FBXO36: variants seen among roughly 807,000 people sequenced by gnomAD.
FBXO36 encodes the protein F-box only protein 36.
Under a neutral mutation model 17.0 loss-of-function variants are expected in FBXO36, and 18 were observed. That is an observed-to-expected ratio of 1.06 (90% CI 0.73 to 1.57). FBXO36 has a LOEUF of 1.57. FBXO36 is among the 40% of genes most tolerant of loss of function. FBXO36 has a pLI of 0.00. For synonymous variants in FBXO36, 83 were observed against 85.3 expected, an observed-to-expected ratio of 0.97 and a Z score of 0.15; for missense variants, 229 against 221.9, an observed-to-expected ratio of 1.03 and a Z score of -0.20.
At chr2:229,980,087 G>A (rs1466616671) in intron 2 of FBXO36, among the ~76,000 whole-genome samples, 1 of 151,550 alleles carries the variant, frequency 6.6e-6, no homozygotes, top group African/African-American at 2.4e-5. Flanking sequence ...TTGCTCTGTC[G>A]CCTAGGGTGG....
At chr2:229,922,830 T>C (rs2076795104) in intron 1 of FBXO36, among the ~76,000 whole-genome samples, 2 of 152,216 alleles carry the variant, frequency 1.3e-5, no homozygotes, top group Admixed American at 6.5e-5. Flanking sequence ...GCAAGCCTTC[T>C]CTGCCTCCCC....
At chr2:229,975,419 A>G (rs145181166) in intron 1 of FBXO36, among the ~76,000 whole-genome samples, 2 of 152,202 alleles carry the variant, frequency 1.3e-5, no homozygotes, top group African/African-American at 2.4e-5. Context: ...TCTTCCGGAA[A>G]CAGATAACCA....
chr2:229,941,849 T>C (rs1036362490), intron 1 of FBXO36, among the ~76,000 whole-genome samples: 1 of 151,998 alleles, frequency 6.6e-6, no homozygotes, highest in African/African-American at 2.4e-5. Flanking sequence ...AAACCCTGTC[T>C]CTACTAAAAT....
rs377572716 is a variant in FBXO36 at position 230,004,056 on chromosome 2, G to A, written c.379-6640G>A. On this transcript the variant is annotated intron_variant, in intron 3 of 3. Transcript: ENST00000283946. Reference sequence around the variant, plus strand: ...TAGCCAGCACAGCCACGGGGCCCTTGCCCTGCCTCCTGCCACCCTCTGCCC... The same window carrying A: ...TAGCCAGCACAGCCACGGGGCCCTTACCCTGCCTCCTGCCACCCTCTGCCC... Among the ~76,000 whole-genome samples the A allele has an allele frequency of 5.8e-3, 877 of 152,308 alleles. 5 individuals are homozygous for A. The highest frequency in any genetic ancestry group is 0.048 in the Middle Eastern group (14 of 294).
chr2:229,955,003 C>T (rs942135260), intron 1 of FBXO36, among the ~76,000 whole-genome samples: 4 of 151,760 alleles, frequency 2.6e-5, no homozygotes, highest in Non-Finnish European at 5.9e-5. Flanking sequence ...ACATGCGCCA[C>T]CACGCCCGGC....
At chr2:229,985,115 T>A (rs2077261639) in intron 2 of FBXO36, among the ~76,000 whole-genome samples, 1 of 152,196 alleles carries the variant, frequency 6.6e-6, no homozygotes. Context: ...TGCAACACAT[T>A]TGACCTTAAT....
At chr2:229,996,977 A>G in intron 3 of FBXO36, 54 bp downstream of exon 3, 1 of 1,549,648 alleles carries the variant, frequency 6.5e-7, no homozygotes, top group Middle Eastern at 1.8e-4. Context: ...CTTTCTAAAA[A>G]AAATTTTTAA....
chr2:229,955,402 G>A (rs1223386117), intron 1 of FBXO36, among the ~76,000 whole-genome samples: 1 of 152,060 alleles, frequency 6.6e-6, no homozygotes, highest in Non-Finnish European at 1.5e-5. Flanking sequence ...TGTAGTCCCA[G>A]CTACTTGGGA....
At chr2:229,942,094 G>T (rs1284432939) in intron 1 of FBXO36, among the ~76,000 whole-genome samples, 1 of 152,156 alleles carries the variant, frequency 6.6e-6, no homozygotes, top group Non-Finnish European at 1.5e-5. Flanking sequence ...GCAGCTAAGT[G>T]TGACCTTGAA....
chr2:230,007,207 A>C (rs996548226), intron 3 of FBXO36, among the ~76,000 whole-genome samples: 1 of 152,196 alleles, frequency 6.6e-6, no homozygotes, highest in Non-Finnish European at 1.5e-5. Flanking sequence ...TTTCCTCCAA[A>C]ATGCAGTAGA....
At chr2:229,990,098 C>A (rs984287231) in intron 2 of FBXO36, among the ~76,000 whole-genome samples, 1 of 151,862 alleles carries the variant, frequency 6.6e-6, no homozygotes, top group African/African-American at 2.4e-5. Context: ...TTCTGTTCCT[C>A]ATTTCCTAGT....
At chr2:229,927,980 C>T (rs1383902696) in intron 1 of FBXO36, among the ~76,000 whole-genome samples, 1 of 152,082 alleles carries the variant, frequency 6.6e-6, no homozygotes, top group Non-Finnish European at 1.5e-5. Flanking sequence ...TACTGCAGAC[C>T]AATTTTGAAG....
At position 229,990,091 on chromosome 2, in the gene FBXO36, TG is replaced by T. The variant is rs1459479970; in HGVS notation, c.206-6659del. The stretch of plus-strand genomic sequence containing the variant: ...ATCCTGAACAGCCACTTATCCTTTC[TG>T]TTCCTCATTTCCTAGTTTCTCTCTC... On this transcript the variant is annotated intron_variant, in intron 2 of 3. Coordinates refer to ENST00000283946, the MANE Select transcript of FBXO36 (RefSeq NM_174899.5). Among the ~76,000 whole-genome samples the T allele has an allele frequency of 6.6e-5, 10 of 152,132 alleles. No individual in the cohort carries two copies. In the East Asian group the frequency reaches 1.9e-3, roughly 29 times the overall value.
intron 1 of FBXO36, among the ~76,000 whole-genome samples, chr2:229,967,496 A>G (rs1305669895): frequency 6.6e-6 from 1 of 152,180 alleles, no homozygotes; most frequent in Non-Finnish European, 1.5e-5. Context: ...CCCATTCAGT[A>G]TGATATTGGC....
intron 1 of FBXO36, among the ~76,000 whole-genome samples, chr2:229,964,416 C>T (rs1425844396): frequency 2.0e-5 from 3 of 152,054 alleles, no homozygotes; most frequent in African/African-American, 7.2e-5. Flanking sequence ...GTTAACATGC[C>T]GTAAATGGAA....
At chr2:229,990,944 T>C (rs1005399311) in intron 2 of FBXO36, among the ~76,000 whole-genome samples, 7 of 151,986 alleles carry the variant, frequency 4.6e-5, no homozygotes, top group African/African-American at 7.2e-5. Context: ...TTCTTTTTTT[T>C]CCCCTCCCCC....
intron 2 of FBXO36, among the ~76,000 whole-genome samples, chr2:229,992,443 C>T (rs76575898): frequency 3.3e-5 from 5 of 152,126 alleles, no homozygotes; most frequent in South Asian, 2.1e-4. Context: ...CAGGCATGAG[C>T]GACCACACCT....
chr2:230,011,598 C>CTTTTTTTTTTTTTTTTTTTCTT lies in FBXO36; in HGVS notation c.*731_*732insTTCTTTTTTTTTTTTTTTTTTT. Reference sequence around the variant, plus strand: ...AACCTATAAACATTTCTTTTCTTTTCTTTTTTTTTTTTTTTTTGTATTTTC... The same window carrying CTTTTTTTTTTTTTTTTTTTCTT: ...AACCTATAAACATTTCTTTTCTTTTCTTTTTTTTTTTTTTTTTTTCTTTTTTTTTTTTTTTTTTTGTATTTTC... On this transcript the variant is annotated 3_prime_UTR_variant, in exon 4 of 4. Transcript: ENST00000283946. 1 of 123,442 alleles carries CTTTTTTTTTTTTTTTTTTTCTT rather than the reference C, an allele frequency of 8.1e-6. No individual in the cohort carries two copies. Among genetic ancestry groups the CTTTTTTTTTTTTTTTTTTTCTT allele is most frequent in the Admixed American group, 9.2e-5 (1 of 10,812 alleles). The allele number at this position is 123,442 out of a possible 1,614,324, so 7.6% of individuals were successfully genotyped here.
chr2:229,944,598 T>C (rs537780622), intron 1 of FBXO36, among the ~76,000 whole-genome samples: 9 of 147,286 alleles, frequency 6.1e-5, no homozygotes, highest in South Asian at 2.2e-4. Context: ...TTTTCTTTTT[T>C]TTTTTTTTTT....
Sources: allele counts gnomAD v4.1 joint callset (sites outside exome capture counted in the v4.1 genomes callset), GRCh38; gene constraint gnomAD v4.1.1; transcripts MANE v1.5; gene names NCBI Gene and HGNC (gene_info 2026-07-23, HGNC 2026-07-21).